The following CPS1 variants were observed in gnomAD, a reference collection of about 807,000 sequenced individuals.
CPS1 encodes carbamoyl-phosphate synthase [ammonia], mitochondrial.
CPS1 carries 109 observed loss-of-function variants against 174.6 expected under a neutral mutation model. The ratio of observed to expected loss-of-function variants is 0.62; its 90% CI spans 0.53 to 0.73. The LOEUF is 0.73. CPS1 is among the 30% of genes least tolerant of loss of function. CPS1 has a pLI of 0.00. For missense variants in CPS1, 1,689 were observed against 1,821.9 expected (o/e 0.93, Z 1.33); for synonymous variants, 637 against 632.0 (o/e 1.01, Z -0.12).
chr2:210,612,200 C>T lies in CPS1; in HGVS notation c.2475C>T (p.Pro825=), dbSNP rs751784059. 30 of 1,612,016 alleles carry T rather than the reference C, an allele frequency of 1.9e-5. No homozygotes were observed. In the South Asian group the frequency reaches 3.2e-4, roughly 17 times the overall value. Residue 825 remains proline (P), a synonymous_variant, in exon 20 of 38, where the codon CCC becomes CCT. Coordinates refer to ENST00000233072, the MANE Select transcript of CPS1 (RefSeq NM_001875.5). ...MCHPSIEGFT[P]RLPMNKEWPS... ...ACCCATCTATAGAAGGTTTCACTCC[C>T]CGTCTCCCAATGAACAAAGAATGGC...
At chr2:210,648,224 T>C (rs1370384815) in intron 26 of CPS1, among the ~76,000 whole-genome samples, 167 bp downstream of exon 26, 2 of 152,256 alleles carry the variant, frequency 1.3e-5, no homozygotes, top group Non-Finnish European at 2.9e-5. Context: ...TTAATGCTGA[T>C]TATGAGTTGA....
chr2:210,520,620 C>T (rs904304622), intron 1 of CPS1, among the ~76,000 whole-genome samples: 1 of 151,996 alleles, frequency 6.6e-6, no homozygotes, highest in Non-Finnish European at 1.5e-5. Context: ...CTGTCTGTCT[C>T]TAGTTGACTC....
rs766131653 is a variant in CPS1, at chr2:210,590,790, C to T, written c.841-10C>T. ...TACTAATTGGTTAATAAAAATTCTC[C>T]CTGATTTAGATTTTGGAGAGTGATC... On this transcript the variant is annotated splice_polypyrimidine_tract_variant and intron_variant, in intron 8 of 37. Coordinates refer to ENST00000233072, the MANE Select transcript of CPS1 (RefSeq NM_001875.5). The T allele has an allele frequency of 3.1e-6, 5 of 1,606,230 alleles. No individual in the cohort carries two copies. In the South Asian group the frequency reaches 5.5e-5, roughly 18 times the overall value.
chr2:210,601,278 T>A (rs981163622), intron 15 of CPS1, among the ~76,000 whole-genome samples: 8 of 151,924 alleles, frequency 5.3e-5, no homozygotes, highest in Non-Finnish European at 1.2e-4. Flanking sequence ...CAACTCACTT[T>A]ATATCTGTTT....
At chr2:210,545,809 G>A (rs989433607) in intron 1 of CPS1, among the ~76,000 whole-genome samples, 2 of 152,054 alleles carry the variant, frequency 1.3e-5, no homozygotes, top group Non-Finnish European at 2.9e-5. Flanking sequence ...GAAAAAAAGT[G>A]TAATTCTTTT....
At chr2:210,663,234 T>C (rs760283062) in intron 33 of CPS1, 37 bp downstream of exon 33, 2 of 1,566,644 alleles carry the variant, frequency 1.3e-6, no homozygotes. Context: ...TTTCATTAAA[T>C]CTACTTTGAA....
chr2:210,631,687 A>G (rs1433214487), intron 21 of CPS1, among the ~76,000 whole-genome samples: 1 of 152,202 alleles, frequency 6.6e-6, no homozygotes, highest in Non-Finnish European at 1.5e-5. Flanking sequence ...TATAGATTCT[A>G]TTATGCAATG....
chr2:210,538,842 A>G (rs1451697846), intron 1 of CPS1, among the ~76,000 whole-genome samples: 1 of 152,082 alleles, frequency 6.6e-6, no homozygotes, highest in Non-Finnish European at 1.5e-5. Context: ...TCATCATGTG[A>G]AAAAATTGAA....
At position 210,570,684 on chromosome 2, in the gene CPS1, AT is replaced by A. The variant is rs1305054328; in HGVS notation, c.127-2607del. Reference sequence around the variant, plus strand: ...TCTATCAAAGTTACATATTATCTAAATTTTTTTCTTTTTCTTTTCATTTTGT... The same window carrying A: ...TCTATCAAAGTTACATATTATCTAAATTTTTTCTTTTTCTTTTCATTTTGT... On this transcript the variant is annotated intron_variant, in intron 1 of 37. Coordinates refer to ENST00000233072, the MANE Select transcript of CPS1 (RefSeq NM_001875.5). 4.6e-5 allele frequency among the ~76,000 whole-genome samples: 7 copies of A among 151,932 alleles called. No homozygotes were observed. The South Asian group carries it at 8.3e-4, about 18-fold the overall frequency.
At chr2:210,559,294 A>T (rs1574523322) in intron 1 of CPS1, among the ~76,000 whole-genome samples, 1 of 152,070 alleles carries the variant, frequency 6.6e-6, no homozygotes, top group Non-Finnish European at 1.5e-5. Flanking sequence ...CTGTAGTCAC[A>T]TCTATAATCA....
At position 210,677,038 on chromosome 2, in the gene CPS1, A is replaced by G; in HGVS notation, c.4306A>G (p.Ile1436Val). The stretch of plus-strand genomic sequence containing the variant: ...TAGAGATGGCAGCATTGACCTAGTG[A>G]TTAACCTTCCCAACAACAACACTAA... ...LIRDGSIDLV[I>V]NLPNNNTKFV... The change falls in exon 37 of 38, where the codon ATT becomes GTT. Residue 1436 changes from isoleucine to valine, a missense_variant. Ile to Val is a conservative substitution (Grantham distance 29). Transcript: ENST00000233072. The G allele has an allele frequency of 6.2e-7, 1 of 1,613,834 alleles. No individual in the cohort carries two copies. The highest frequency in any genetic ancestry group is 8.5e-7 in the Non-Finnish European group (1 of 1,179,764).
chr2:210,637,932 A>G, intron 22 of CPS1, 89 bp downstream of exon 22: 1 of 1,430,640 alleles, frequency 7.0e-7, no homozygotes, highest in Non-Finnish European at 9.8e-7. Context: ...ATTGTTAATA[A>G]AAAGAGGAGT....
At chr2:210,573,177 A>G in intron 1 of CPS1, 121 bp from the exon 2 acceptor site, 1 of 860,492 alleles carries the variant, frequency 1.2e-6, no homozygotes, top group Non-Finnish European at 2.0e-6. Flanking sequence ...AAATCTGGGC[A>G]TTATGGTTTC....
chr2:210,676,419 A>G (rs994783552), intron 36 of CPS1, among the ~76,000 whole-genome samples: 2 of 152,232 alleles, frequency 1.3e-5, no homozygotes, highest in African/African-American at 4.8e-5. Context: ...TGGCATAAGT[A>G]CATAGGAGAT....
At chr2:210,493,682 G>T (rs966551885) in intron 1 of CPS1, among the ~76,000 whole-genome samples, 10 of 152,172 alleles carry the variant, frequency 6.6e-5, no homozygotes, top group Non-Finnish European at 1.3e-4. Flanking sequence ...TTGGCTATTT[G>T]TCTTGCCTAT....
At chr2:210,591,389 A>T (rs558060201) in intron 9 of CPS1, among the ~76,000 whole-genome samples, 33 of 152,136 alleles carry the variant, frequency 2.2e-4, no homozygotes, top group African/African-American at 7.9e-4. Context: ...AATTTATTAA[A>T]CATCAGGCTT....
chr2:210,595,439 T>TC (rs1396473499), intron 12 of CPS1, 48 bp from the exon 13 acceptor site: 1 of 1,317,812 alleles, frequency 7.6e-7, no homozygotes, highest in Non-Finnish European at 1.1e-6. Flanking sequence ...ATGCCTTATT[T>TC]CCCCCATTTT....
intron 1 of CPS1, among the ~76,000 whole-genome samples, chr2:210,485,162 C>T (rs931152541): frequency 2.0e-5 from 3 of 150,852 alleles, no homozygotes; most frequent in East Asian, 1.9e-4. Flanking sequence ...ACCCGGGAGG[C>T]GTGAGCTTGC....
chr2:210,642,569 C>T lies in CPS1; in HGVS notation c.3045C>T (p.Cys1015=), dbSNP rs376618188. ...GCAAGAAGACGGTGGTGGTGAATTG[C>T]AATCCTGAGACTGTGAGCACAGACT... ...QLGKKTVVVN[C]NPETVSTDFD... The change falls in exon 25 of 38, where the codon TGC becomes TGT. Residue 1015 remains cysteine, a synonymous_variant. Coordinates refer to ENST00000233072, the MANE Select transcript of CPS1 (RefSeq NM_001875.5). 1.1e-5 allele frequency: 17 copies of T among 1,613,848 alleles called. No individual in the cohort carries two copies. The African/African-American group carries it at 2.0e-4, about 19-fold the overall frequency.
Sources: gnomAD v4.1 joint callset for allele counts (sites outside exome capture counted in the v4.1 genomes callset) on GRCh38, gnomAD v4.1.1 for gene constraint, MANE v1.5 for transcripts, NCBI Gene and HGNC (gene_info 2026-07-23, HGNC 2026-07-21) for gene names.